The following SPMIP6 variants were observed in gnomAD, a reference collection of about 807,000 sequenced individuals.
SPMIP6 encodes ciliated bronchial epithelial protein 1.
the SPMIP6 span, among the ~76,000 whole-genome samples, chr9:34,393,501 T>A: frequency 3.9e-5 from 6 of 152,110 alleles, no homozygotes; most frequent in African/African-American, 9.7e-5. Flanking sequence ...ACTTCGAGAA[T>A]TTTTTTTCTT....
At chr9:34,386,361 C>T in the SPMIP6 span, among the ~76,000 whole-genome samples, 4 of 151,996 alleles carry the variant, frequency 2.6e-5, no homozygotes, top group African/African-American at 7.3e-5. Context: ...TTTGGGAGGC[C>T]GAGGCAGGCG....
chr9:34,391,808 G>A, the SPMIP6 span, among the ~76,000 whole-genome samples: 1 of 152,022 alleles, frequency 6.6e-6, no homozygotes, highest in African/African-American at 2.4e-5. Flanking sequence ...CATGTTCCTT[G>A]TATGTTTAAA....
the SPMIP6 span, among the ~76,000 whole-genome samples, chr9:34,384,794 A>C: frequency 2.0e-5 from 3 of 152,236 alleles, no homozygotes; most frequent in Non-Finnish European, 4.4e-5. Context: ...ACAGTTTCTC[A>C]TAAGGTATAA....
At chr9:34,379,254 GC>G in the SPMIP6 span, 1 of 903,750 alleles carries the variant, frequency 1.1e-6, no homozygotes, top group South Asian at 1.3e-5. This position sits in a 1 kb window ranked among gnomAD's most constrained non-coding sequence, Gnocchi z 4.2. Flanking sequence ...AGTTTGCAAT[GC>G]TAACCTTATC....
chr9:34,381,474 T>C, the SPMIP6 span: 1 of 1,613,372 alleles, frequency 6.2e-7, no homozygotes. This position sits in a 1 kb window ranked among gnomAD's most constrained non-coding sequence, Gnocchi z 4.4. Context: ...TACCTCAAGC[T>C]CTGACCTGGC....
At chr9:34,380,921 C>A in the SPMIP6 span, 5 of 1,594,402 alleles carry the variant, frequency 3.1e-6, no homozygotes, top group South Asian at 1.1e-5. Flanking sequence ...CTCCCGGCAC[C>A]AAGGCCGCAG....
the SPMIP6 span, chr9:34,379,524 G>C: frequency 1.2e-6 from 1 of 866,738 alleles, no homozygotes; most frequent in Non-Finnish European, 1.9e-6. This position sits in a 1 kb window ranked among gnomAD's most constrained non-coding sequence, Gnocchi z 4.2. Context: ...CCCCCTCGTG[G>C]TATGTGCCTG....
At chr9:34,381,471 A>C in the SPMIP6 span, 3 of 1,613,886 alleles carry the variant, frequency 1.9e-6, no homozygotes, top group African/African-American at 2.7e-5. The surrounding 1 kb of genome is among the most constrained non-coding windows in gnomAD (Gnocchi z 4.4). Context: ...TGCTACCTCA[A>C]GCTCTGACCT....
the SPMIP6 span, chr9:34,381,419 C>G: frequency 3.1e-6 from 5 of 1,614,044 alleles, no homozygotes; most frequent in Middle Eastern, 1.6e-4. The surrounding 1 kb of genome is among the most constrained non-coding windows in gnomAD (Gnocchi z 4.4). Context: ...GGGCATTCCT[C>G]GAACTGCTGT....
chr9:34,379,721 G>T, the SPMIP6 span: 1 of 1,613,990 alleles, frequency 6.2e-7, no homozygotes, highest in African/African-American at 1.3e-5. This position sits in a 1 kb window ranked among gnomAD's most constrained non-coding sequence, Gnocchi z 4.2. Flanking sequence ...GTGCTCGTAG[G>T]GAGGTACACA....
the SPMIP6 span, chr9:34,381,162 C>T: frequency 2.6e-6 from 4 of 1,559,768 alleles, no homozygotes; most frequent in Non-Finnish European, 3.5e-6. The surrounding 1 kb of genome is among the most constrained non-coding windows in gnomAD (Gnocchi z 4.4). Flanking sequence ...CGCAGGAGAC[C>T]CAAAGACAGA....
chr9:34,387,896 A>G, the SPMIP6 span, among the ~76,000 whole-genome samples: 2 of 152,140 alleles, frequency 1.3e-5, no homozygotes, highest in Admixed American at 6.5e-5. Flanking sequence ...GACTCCTTCA[A>G]CCTTTGGCCT....
At chr9:34,382,711 C>T in the SPMIP6 span, 4 of 1,296,534 alleles carry the variant, frequency 3.1e-6, no homozygotes, top group African/African-American at 4.4e-5. Flanking sequence ...GTGGGGTATG[C>T]GTGTCCCAGT....
the SPMIP6 span, chr9:34,379,318 C>A: frequency 1.5e-6 from 1 of 654,084 alleles, no homozygotes; most frequent in African/African-American, 1.8e-5. This position sits in a 1 kb window ranked among gnomAD's most constrained non-coding sequence, Gnocchi z 4.2. Context: ...ACCTCCTGAC[C>A]TTAGGTTCTA....
the SPMIP6 span, among the ~76,000 whole-genome samples, chr9:34,393,943 A>AT: frequency 6.6e-6 from 1 of 152,014 alleles, no homozygotes. Context: ...TTGCCTACTC[A>AT]TTTTTTAATA....
chr9:34,380,809 G>GA, the SPMIP6 span: 1 of 1,517,042 alleles, frequency 6.6e-7, no homozygotes, highest in Non-Finnish European at 8.9e-7. Context: ...GGCCTGCACG[G>GA]AAGCTGGCCG....
the SPMIP6 span, chr9:34,380,628 T>C: frequency 4.6e-6 from 7 of 1,509,626 alleles, no homozygotes; most frequent in Non-Finnish European, 6.2e-6. Flanking sequence ...CCAGAGCATA[T>C]AGAGAGGCCA....
chr9:34,395,987 A>G, the SPMIP6 span, among the ~76,000 whole-genome samples: 2 of 152,204 alleles, frequency 1.3e-5, no homozygotes, highest in Admixed American at 6.5e-5. Context: ...AAAAATGTGT[A>G]TATCTTTTCT....
the SPMIP6 span, chr9:34,381,156 G>A: frequency 5.8e-6 from 9 of 1,564,146 alleles, no homozygotes; most frequent in African/African-American, 1.2e-4. The surrounding 1 kb of genome is among the most constrained non-coding windows in gnomAD (Gnocchi z 4.4). Context: ...CCCCAGCGCA[G>A]GAGACCCAAA....
Sources: gnomAD v4.1 joint callset for allele counts (sites outside exome capture counted in the v4.1 genomes callset) on GRCh38, gnomAD v4.1.1 for gene constraint, Gnocchi (gnomAD v3.1) non-coding constraint, MANE v1.5 for transcripts, NCBI Gene and HGNC (gene_info 2026-07-23, HGNC 2026-07-21) for gene names.